METTL15: variants seen among roughly 807,000 people sequenced by gnomAD.
The protein encoded by METTL15 is 12S rRNA N(4)-cytidine methyltransferase METTL15.
A neutral mutation model predicts 38.3 loss-of-function variants in METTL15; 34 were observed. That is an observed-to-expected ratio of 0.89 (90% CI 0.68 to 1.18). METTL15 has a LOEUF of 1.18. METTL15 is among the 50% of genes most tolerant of loss of function. The probability of loss-of-function intolerance (pLI) is 0.00; values close to 1 mark genes in which losing one functional copy is unlikely to be tolerated. For missense variants in METTL15, 438 were observed against 498.4 expected (o/e 0.88, Z 1.15); for synonymous variants, 162 against 170.9 (o/e 0.95, Z 0.41).
chr11:28,262,487 G>A (rs542721109), intron 4 of METTL15, among the ~76,000 whole-genome samples: 20 of 151,684 alleles, frequency 1.3e-4, no homozygotes, highest in Non-Finnish European at 2.5e-4. Context: ...ATAAACATTC[G>A]CTTCACTGTG....
intron 3 of METTL15, among the ~76,000 whole-genome samples, chr11:28,194,144 CTT>C (rs1851809129): frequency 1.8e-5 from 2 of 114,174 alleles, no homozygotes; most frequent in African/African-American, 6.8e-5. Flanking sequence ...TTCTTTCTTT[CTT>C]TCTTTCTTTC....
At chr11:28,166,150 G>T (rs1482461646) in intron 3 of METTL15, among the ~76,000 whole-genome samples, 1 of 152,052 alleles carries the variant, frequency 6.6e-6, no homozygotes, top group African/African-American at 2.4e-5. Context: ...ATGAATTTAA[G>T]GATTGCATTT....
chr11:28,384,876 C>T (rs1850424862), intron 5 of METTL15, among the ~76,000 whole-genome samples: 1 of 152,092 alleles, frequency 6.6e-6, no homozygotes, highest in Non-Finnish European at 1.5e-5. Context: ...TTTAGATTTG[C>T]ATTTCTCTAA....
chr11:28,450,458 G>C (rs1453556987), intron 6 of METTL15, among the ~76,000 whole-genome samples: 1 of 152,148 alleles, frequency 6.6e-6, no homozygotes, highest in Admixed American at 6.5e-5. Flanking sequence ...CAGGACTTTT[G>C]TGAAGACTAA....
chr11:28,465,473 A>G (rs190675322), intron 6 of METTL15, among the ~76,000 whole-genome samples: 149 of 152,270 alleles, frequency 9.8e-4, no homozygotes, highest in African/African-American at 1.8e-3. Context: ...TTCCACACCT[A>G]TAAACTAACT....
downstream of METTL15, among the ~76,000 whole-genome samples, chr11:28,335,116 C>T (rs1186091665): frequency 6.6e-6 from 1 of 152,084 alleles, no homozygotes; most frequent in Non-Finnish European, 1.5e-5. Flanking sequence ...TATTTCTGTT[C>T]GTTAAACCCC....
chr11:28,484,470 C>T (rs1281635249), intron 6 of METTL15, among the ~76,000 whole-genome samples: 9 of 152,120 alleles, frequency 5.9e-5, no homozygotes, highest in East Asian at 1.9e-4. Context: ...CTTTCAACCC[C>T]GGACTGCCTA....
intron 6 of METTL15, among the ~76,000 whole-genome samples, chr11:28,511,485 A>G (rs1851673816): frequency 6.6e-6 from 1 of 152,192 alleles, no homozygotes; most frequent in Non-Finnish European, 1.5e-5. Context: ...CCTCGCTGTG[A>G]GTGTTACAGT....
intron 6 of METTL15, among the ~76,000 whole-genome samples, chr11:28,471,878 T>C (rs1851306221): frequency 6.6e-6 from 1 of 152,100 alleles, no homozygotes; most frequent in South Asian, 2.1e-4. Flanking sequence ...GACATCATTC[T>C]CTGTGGGGGG....
At chr11:28,530,969 T>C (rs1851840630), downstream of METTL15, among the ~76,000 whole-genome samples, 1 of 152,014 alleles carries the variant, frequency 6.6e-6, no homozygotes, top group Non-Finnish European at 1.5e-5. Context: ...AAGCAACTTA[T>C]AGAACTAGTC....
chr11:28,110,839 A>G (rs571225476), intron 2 of METTL15, among the ~76,000 whole-genome samples: 1 of 152,324 alleles, frequency 6.6e-6, no homozygotes, highest in South Asian at 2.1e-4. Context: ...TATGCTCTCA[A>G]CAGCCAAAAG....
intron 4 of METTL15, among the ~76,000 whole-genome samples, chr11:28,241,742 G>A (rs761018624): frequency 2.6e-5 from 4 of 152,106 alleles, no homozygotes; most frequent in Non-Finnish European, 5.9e-5. Flanking sequence ...CCAGAGCAAG[G>A]TAAAGGCCTG....
At position 28,126,848 on chromosome 11, in the gene METTL15, G is replaced by C. The variant is rs143973214; in HGVS notation, c.270+13244G>C. ...ATATGAAATTTCCACTGCCATGAAA[G>C]AGTATATAGTGCTCTTAGATCTCCG... On this transcript the variant is annotated intron_variant, in intron 3 of 6. Coordinates refer to ENST00000407364, the MANE Select transcript of METTL15 (RefSeq NM_001113528.2). 9.0e-4 allele frequency among the ~76,000 whole-genome samples: 137 copies of C among 152,242 alleles called. 1 individual carries two copies. Among genetic ancestry groups the C allele is most frequent in the African/African-American group, 3.3e-3 (136 of 41,552 alleles).
chr11:28,311,638 T>A (rs978031408), intron 6 of METTL15, among the ~76,000 whole-genome samples: 1 of 152,256 alleles, frequency 6.6e-6, no homozygotes, highest in Admixed American at 6.5e-5. Flanking sequence ...ACTCTGTAAT[T>A]TACTAGCTTT....
At chr11:28,428,317 A>C (rs910477720) in intron 6 of METTL15, among the ~76,000 whole-genome samples, 1 of 152,192 alleles carries the variant, frequency 6.6e-6, no homozygotes, top group Non-Finnish European at 1.5e-5. Context: ...AGACATAGAA[A>C]AGGTACAGTA....
chr11:28,328,655 T>G (rs1849716765), intron 6 of METTL15, among the ~76,000 whole-genome samples: 1 of 152,106 alleles, frequency 6.6e-6, no homozygotes, highest in Admixed American at 6.5e-5. Context: ...TATTGAACAT[T>G]ATACATTAAT....
intron 6 of METTL15, among the ~76,000 whole-genome samples, chr11:28,320,263 C>T (rs1216761580): frequency 1.3e-5 from 2 of 149,884 alleles, no homozygotes; most frequent in African/African-American, 2.5e-5. Context: ...CTTGTAGAGC[C>T]GTGCTTAAAA....
intron 4 of METTL15, among the ~76,000 whole-genome samples, chr11:28,270,670 T>C (rs1855607539): frequency 6.6e-6 from 1 of 152,178 alleles, no homozygotes; most frequent in Non-Finnish European, 1.5e-5. Context: ...TTTTTGTTTT[T>C]ATAAGGATTC....
chr11:28,183,538 C>A (rs912692999), intron 3 of METTL15, among the ~76,000 whole-genome samples: 1 of 151,986 alleles, frequency 6.6e-6, no homozygotes, highest in Non-Finnish European at 1.5e-5. Context: ...GTCATTGGTT[C>A]TGTTTATGTG....
Sources: gnomAD v4.1 joint callset for allele counts (sites outside exome capture counted in the v4.1 genomes callset) on GRCh38, gnomAD v4.1.1 for gene constraint, MANE v1.5 for transcripts, NCBI Gene and HGNC (gene_info 2026-07-23, HGNC 2026-07-21) for gene names.